CBFA2T3: variants seen among roughly 807,000 people sequenced by gnomAD.
The protein encoded by CBFA2T3 is CBFA2/RUNX1 partner transcriptional co-repressor 3.
In CBFA2T3, 31 loss-of-function variants were observed where a neutral mutation model predicts 58.6. That is an observed-to-expected ratio of 0.53 (90% CI 0.40 to 0.71). CBFA2T3 has a LOEUF of 0.71. Ranked by LOEUF, CBFA2T3 falls within the 30% of genes least tolerant of loss-of-function variation. The pLI is 0.00. For missense variants in CBFA2T3, 1,076 were observed against 963.1 expected, an observed-to-expected ratio of 1.12 and a Z score of -1.55; for synonymous variants, 531 against 421.9, an observed-to-expected ratio of 1.26 and a Z score of -3.17.
Position 88,885,309 on chromosome 16 carries a change from G to A in CBFA2T3, c.894-40C>T, listed in dbSNP as rs370969451. 6.7e-5 allele frequency: 94 copies of A among 1,409,182 alleles called. No homozygotes were observed. The highest frequency in any genetic ancestry group is 8.3e-5 in the Non-Finnish European group (87 of 1,052,186). 87.3% of individuals were successfully genotyped at this position (1,409,182 alleles called of 1,614,324 possible). ...AGGTGGGGCGAGGGCAGTGGACATAGGATGAACCGGGGACAGAGGTGCAGG... is the reference window on the plus strand; with the variant it reads ...AGGTGGGGCGAGGGCAGTGGACATAAGATGAACCGGGGACAGAGGTGCAGG... On this transcript the variant is annotated intron_variant, in intron 6 of 11. Coordinates refer to ENST00000268679, the MANE Select transcript of CBFA2T3 (RefSeq NM_005187.6). The surrounding 1 kb of genome is among the most constrained non-coding windows in gnomAD (Gnocchi z 5.3).
Position 88,958,831 on chromosome 16 carries a change from C to G in CBFA2T3, c.151+17826G>C, listed in dbSNP as rs1180130152. Among the ~76,000 whole-genome samples the G allele has an allele frequency of 1.3e-5, 2 of 152,236 alleles. No individual in the cohort carries two copies. The highest frequency in any genetic ancestry group is 2.4e-5 in the African/African-American group (1 of 41,552). On this transcript the variant is annotated intron_variant, in intron 1 of 11. Transcript: ENST00000268679. The surrounding 1 kb of genome is among the most constrained non-coding windows in gnomAD (Gnocchi z 4.0). Reference sequence around the variant, plus strand: ...AGGTGTGGGTCCCCCGTGGGCAGCTCTCACACCACAGGCCTGGCTCCCTAG... The same window carrying G: ...AGGTGTGGGTCCCCCGTGGGCAGCTGTCACACCACAGGCCTGGCTCCCTAG...
intron 1 of CBFA2T3, among the ~76,000 whole-genome samples, chr16:88,904,647 C>A (rs898043981): frequency 6.6e-6 from 1 of 152,170 alleles, no homozygotes; most frequent in African/African-American, 2.4e-5. Flanking sequence ...GGTGTCCTCC[C>A]CTCCGTTCTC....
At chr16:88,907,543 G>C (rs1179122721) in intron 1 of CBFA2T3, among the ~76,000 whole-genome samples, 1 of 150,824 alleles carries the variant, frequency 6.6e-6, no homozygotes, top group East Asian at 1.9e-4. Flanking sequence ...GAGATCCTGC[G>C]CTTCTCTATC....
In CBFA2T3 at chr16:88,921,377, C is replaced by T. The variant is rs537842349; in HGVS notation, c.152-19721G>A. Among the ~76,000 whole-genome samples, 16 of 152,352 alleles carry T rather than the reference C, an allele frequency of 1.1e-4. No homozygotes were observed. The South Asian group carries it at 2.5e-3, about 24-fold the overall frequency. The stretch of plus-strand genomic sequence containing the variant: ...GCCGAGCCGATCCTCCGTGCCACGC[C>T]GCCCCACCCCAGCTTGGCAGGATCG... On this transcript the variant is annotated intron_variant, in intron 1 of 11. Coordinates refer to ENST00000268679, the MANE Select transcript of CBFA2T3 (RefSeq NM_005187.6).
chr16:88,972,362 C>T (rs1044776490), intron 1 of CBFA2T3, among the ~76,000 whole-genome samples: 1 of 152,272 alleles, frequency 6.6e-6, no homozygotes, highest in East Asian at 1.9e-4. Context: ...TTTGTCCCAC[C>T]GTCCACTCTC....
chr16:88,905,216 T>A (rs1234904630), intron 1 of CBFA2T3, among the ~76,000 whole-genome samples: 1 of 152,040 alleles, frequency 6.6e-6, no homozygotes, highest in East Asian at 1.9e-4. Context: ...ATCGTCTCTC[T>A]CCTGCTTAAT....
intron 1 of CBFA2T3, among the ~76,000 whole-genome samples, chr16:88,934,593 C>T (rs890028103): frequency 3.3e-5 from 5 of 152,238 alleles, no homozygotes; most frequent in Admixed American, 6.5e-5. Flanking sequence ...GATGGGGACA[C>T]GGAGGCCCAG....
In CBFA2T3 at chr16:88,977,041, G is replaced by C. The variant is rs898669685; in HGVS notation, c.-234C>G. On this transcript the variant is annotated 5_prime_UTR_variant, in exon 1 of 12. Transcript: ENST00000268679. ...GGCTCATGTGACGCGGGGCGGGCCTGGGGCTGCAGGCTGGGGAAGGTCTCC... is the reference window on the plus strand; with the variant it reads ...GGCTCATGTGACGCGGGGCGGGCCTCGGGCTGCAGGCTGGGGAAGGTCTCC... 2.1e-6 allele frequency: 1 copy of C among 466,484 alleles called. No individual in the cohort carries two copies. 28.9% of individuals were successfully genotyped at this position (466,484 alleles called of 1,614,324 possible).
chr16:88,905,326 T>C (rs1380615519), intron 1 of CBFA2T3, among the ~76,000 whole-genome samples: 3 of 152,026 alleles, frequency 2.0e-5, no homozygotes, highest in African/African-American at 7.2e-5. Context: ...CTCAGGGCCA[T>C]GCACGACCCC....
chr16:88,876,547 A>C lies in CBFA2T3; in HGVS notation c.*429T>G. On this transcript the variant is annotated 3_prime_UTR_variant, in exon 12 of 12. Coordinates refer to ENST00000268679, the MANE Select transcript of CBFA2T3 (RefSeq NM_005187.6). ...TTCTTTGCTGAAAATATAAGCCACC[A>C]ATTCGATTTTTTCATTGAAGAGAAA... 4.2e-6 allele frequency: 1 copy of C among 238,556 alleles called. No homozygotes were observed. 14.8% of individuals were successfully genotyped at this position (238,556 alleles called of 1,614,324 possible). A position where few individuals can be genotyped will look rare whatever the true frequency, so the allele number is the denominator to read the frequency against.
At chr16:88,974,180 A>C (rs1222931224) in intron 1 of CBFA2T3, among the ~76,000 whole-genome samples, 1 of 152,068 alleles carries the variant, frequency 6.6e-6, no homozygotes, top group Non-Finnish European at 1.5e-5. Flanking sequence ...CAGTCAGGTC[A>C]CCTTTCTGAC....
intron 1 of CBFA2T3, chr16:88,902,560 G>A (rs1369421908): frequency 6.6e-6 from 1 of 152,280 alleles, no homozygotes; most frequent in Non-Finnish European, 1.5e-5. Context: ...CACCCAGAGA[G>A]CAGGACCTGC....
intron 1 of CBFA2T3, among the ~76,000 whole-genome samples, chr16:88,909,449 C>T (rs1177903770): frequency 6.6e-6 from 1 of 152,204 alleles, no homozygotes; most frequent in African/African-American, 2.4e-5. Context: ...CCAGCGGCGG[C>T]TGGGACGGAG....
At chr16:88,943,261 AGAAGCTGGCCTGGACCTGGGCCG>A (rs1971805034) in intron 1 of CBFA2T3, among the ~76,000 whole-genome samples, 1 of 152,224 alleles carries the variant, frequency 6.6e-6, no homozygotes. Flanking sequence ...GCCTGGGAGC[AGAAGCTGGCCTGGACCTGGGCCG>A]GAAGCCCTCA....
At chr16:88,923,278 C>T (rs1347718967) in intron 1 of CBFA2T3, among the ~76,000 whole-genome samples, 1 of 152,218 alleles carries the variant, frequency 6.6e-6, no homozygotes, top group Non-Finnish European at 1.5e-5. Flanking sequence ...GACCCGCACC[C>T]CCTCCTCATC....
At chr16:88,920,081 C>T (rs1259146502) in intron 1 of CBFA2T3, among the ~76,000 whole-genome samples, 1 of 152,224 alleles carries the variant, frequency 6.6e-6, no homozygotes, top group African/African-American at 2.4e-5. Context: ...TCCCTCCTTC[C>T]CCAGATAGTG....
intron 1 of CBFA2T3, among the ~76,000 whole-genome samples, chr16:88,954,300 ACCCACCCAAGGGTCCTGAC>A (rs1972151042): frequency 6.6e-6 from 1 of 150,866 alleles, no homozygotes; most frequent in African/African-American, 2.4e-5. Flanking sequence ...AAGTCTCCTG[ACCCACCCAAGGGTCCTGAC>A]CCCACCCAAG....
intron 5 of CBFA2T3, among the ~76,000 whole-genome samples, chr16:88,889,942 G>A (rs1969558233): frequency 7.4e-6 from 1 of 135,710 alleles, no homozygotes; most frequent in Non-Finnish European, 1.6e-5. Flanking sequence ...CAGGGACGAC[G>A]CCGTGCGATT....
intron 5 of CBFA2T3, among the ~76,000 whole-genome samples, chr16:88,888,797 C>T (rs969067024): frequency 4.6e-5 from 7 of 151,726 alleles, no homozygotes; most frequent in Admixed American, 2.0e-4. Context: ...CCACTGGCCC[C>T]GGGCCCCGGG....
Sources: gnomAD v4.1 joint callset for allele counts (sites outside exome capture counted in the v4.1 genomes callset) on GRCh38, gnomAD v4.1.1 for gene constraint, Gnocchi (gnomAD v3.1) non-coding constraint, MANE v1.5 for transcripts, NCBI Gene and HGNC (gene_info 2026-07-23, HGNC 2026-07-21) for gene names.